Variants in CYP20A1 observed in about 807,000 individuals in gnomAD.
The protein encoded by CYP20A1 is cytochrome P450 20A1.
A neutral mutation model predicts 61.4 loss-of-function variants in CYP20A1; 61 were observed. The observed-to-expected ratio is 0.99, with a 90% confidence interval of 0.81 to 1.23. CYP20A1 has a LOEUF of 1.23. Ranked by LOEUF, CYP20A1 falls within the 50% of genes most tolerant of loss-of-function variation. The pLI, the probability that CYP20A1 is intolerant of heterozygous loss-of-function variation, is 0.00. For missense variants in CYP20A1, 530 were observed against 542.4 expected (o/e 0.98, Z 0.23); for synonymous variants, 193 against 188.2 (o/e 1.03, Z -0.21).
intron 7 of CYP20A1, among the ~76,000 whole-genome samples, chr2:203,279,068 G>A (rs942881660): frequency 2.6e-5 from 4 of 151,950 alleles, no homozygotes; most frequent in Admixed American, 6.6e-5. Context: ...GGGTTCAAGC[G>A]ATTCTCCTGC....
intron 4 of CYP20A1, among the ~76,000 whole-genome samples, chr2:203,265,664 T>G (rs946591565): frequency 2.0e-5 from 3 of 152,204 alleles, no homozygotes; most frequent in African/African-American, 7.2e-5. Context: ...CTTAATTTAA[T>G]TACATCTACA....
At chr2:203,283,843 G>A (rs780205704) in intron 8 of CYP20A1, among the ~76,000 whole-genome samples, 9 of 151,990 alleles carry the variant, frequency 5.9e-5, no homozygotes, top group South Asian at 2.1e-4. Flanking sequence ...CACTGCATCC[G>A]GCCTGTTATA....
chr2:203,251,436 G>C (rs2066666580), intron 3 of CYP20A1, among the ~76,000 whole-genome samples: 1 of 151,802 alleles, frequency 6.6e-6, no homozygotes, highest in African/African-American at 2.4e-5. Flanking sequence ...AGGATATTGT[G>C]TTCTTGCCAA....
intron 3 of CYP20A1, among the ~76,000 whole-genome samples, chr2:203,249,796 G>A (rs576030133): frequency 6.6e-6 from 1 of 152,188 alleles, no homozygotes; most frequent in Admixed American, 6.5e-5. Context: ...GGTAAGCCGA[G>A]ATCAAGCCAT....
chr2:203,253,712 A>G (rs942033884), intron 4 of CYP20A1, among the ~76,000 whole-genome samples: 1 of 152,188 alleles, frequency 6.6e-6, no homozygotes, highest in African/African-American at 2.4e-5. Context: ...AAAAACAAGA[A>G]CTGGTTAAAT....
chr2:203,286,777 C>T (rs1466818320), intron 9 of CYP20A1, among the ~76,000 whole-genome samples: 2 of 151,986 alleles, frequency 1.3e-5, no homozygotes, highest in African/African-American at 2.4e-5. Flanking sequence ...AAATTCAAAC[C>T]GTACAGGTAA....
intron 3 of CYP20A1, among the ~76,000 whole-genome samples, chr2:203,248,056 T>C (rs909412162): frequency 2.6e-5 from 4 of 151,892 alleles, no homozygotes; most frequent in Admixed American, 1.3e-4. Flanking sequence ...TGAGACCCCA[T>C]TGCTACAAAA....
At chr2:203,248,206 C>T (rs2066527478) in intron 3 of CYP20A1, among the ~76,000 whole-genome samples, 1 of 151,972 alleles carries the variant, frequency 6.6e-6, no homozygotes, top group South Asian at 2.1e-4. Flanking sequence ...GCCAGGCAGC[C>T]AGGGGACAGG....
intron 9 of CYP20A1, among the ~76,000 whole-genome samples, chr2:203,286,163 C>T (rs1219637611): frequency 6.6e-6 from 1 of 152,124 alleles, no homozygotes; most frequent in Non-Finnish European, 1.5e-5. Flanking sequence ...CTGGGACGTG[C>T]CTGTAGTCCA....
intron 6 of CYP20A1, among the ~76,000 whole-genome samples, chr2:203,277,116 A>G (rs1471320084): frequency 6.6e-6 from 1 of 152,124 alleles, no homozygotes; most frequent in East Asian, 1.9e-4. Context: ...TGGAAGGCTG[A>G]CATGGGCGGA....
At chr2:203,248,866 T>C (rs771897624) in intron 3 of CYP20A1, among the ~76,000 whole-genome samples, 8 of 152,158 alleles carry the variant, frequency 5.3e-5, no homozygotes, top group Middle Eastern at 3.4e-3. Context: ...TGCACCACCA[T>C]GCCTGGCTAA....
At chr2:203,245,699 C>CT (rs1019277148) in intron 1 of CYP20A1, 147 bp from the exon 2 acceptor site, 1 of 510,094 alleles carries the variant, frequency 2.0e-6, no homozygotes, top group East Asian at 3.3e-5. Context: ...CAAAGAACCC[C>CT]TTTTTTTGTA....
chr2:203,296,536 C>G lies in CYP20A1; in HGVS notation c.1211C>G (p.Ser404Ter). 3.1e-6 allele frequency: 5 copies of G among 1,612,242 alleles called. No homozygotes were observed. Among genetic ancestry groups the G allele is most frequent in the East Asian group, 2.2e-5 (1 of 44,790 alleles). ...AAAACTTTTTCCTCACTTGGATTCT[C>G]AGGCACACAGGAGTGTCCAGAGTTG... The part of the protein sequence containing the change: ...VMKTFSSLGF[S>*]GTQECPELRF... The change falls in exon 12 of 13, where the codon TCA becomes TGA. Residue 404 changes from serine to a stop codon, truncating the protein, a stop_gained. Transcript: ENST00000356079. LOFTEE classifies it high-confidence loss of function.
rs1223588439 is a variant in CYP20A1 at position 203,300,545 on chromosome 2, C to T, written c.*3637C>T. Among the ~76,000 whole-genome samples the T allele has an allele frequency of 2.0e-5, 3 of 152,108 alleles. No individual in the cohort carries two copies. The highest frequency in any genetic ancestry group is 2.9e-5 in the Non-Finnish European group (2 of 68,032). On this transcript the variant is annotated 3_prime_UTR_variant, in exon 13 of 13. Coordinates refer to ENST00000356079, the MANE Select transcript of CYP20A1 (RefSeq NM_177538.3). ...CTTTTGGAGTTTTTAAAAACTACTTCAGTGATTTTGATTTATATTCTTTTT... is the reference window on the plus strand; with the variant it reads ...CTTTTGGAGTTTTTAAAAACTACTTTAGTGATTTTGATTTATATTCTTTTT...
At chr2:203,251,794 T>TAC (rs2066684884) in intron 3 of CYP20A1, among the ~76,000 whole-genome samples, 173 bp from the exon 4 acceptor site, 213 of 5,866 alleles carry the variant, frequency 0.036, 4 homozygotes, top group African/African-American at 0.082. Flanking sequence ...TATATATGTG[T>TAC]ATATATATAT....
chr2:203,269,891 A>G (rs2152079589), intron 5 of CYP20A1, among the ~76,000 whole-genome samples: 1 of 152,240 alleles, frequency 6.6e-6, no homozygotes, highest in Middle Eastern at 3.4e-3. Flanking sequence ...AGCCTCCCAA[A>G]GTGCTGGGAT....
In CYP20A1 at chr2:203,296,919, A is replaced by T; in HGVS notation, c.*11A>T. On this transcript the variant is annotated 3_prime_UTR_variant, in exon 13 of 13. Coordinates refer to ENST00000356079, the MANE Select transcript of CYP20A1 (RefSeq NM_177538.3). ...TCAAAGAGATATTAAAATTTTATAC[A>T]TTTAAAATCATTGTTAAATTGATTG... is the stretch of plus-strand genomic sequence containing the variant. The T allele has an allele frequency of 7.0e-7, 1 of 1,426,500 alleles. No homozygotes were observed. Among genetic ancestry groups the T allele is most frequent in the Non-Finnish European group, 9.6e-7 (1 of 1,043,854 alleles). The allele number at this position is 1,426,500 out of a possible 1,614,324, so 88.4% of individuals were successfully genotyped here.
At chr2:203,263,996 G>A (rs1326317959) in intron 4 of CYP20A1, among the ~76,000 whole-genome samples, 1 of 151,830 alleles carries the variant, frequency 6.6e-6, no homozygotes, top group African/African-American at 2.4e-5. Context: ...TTGTGTGGGG[G>A]GCGTGGGTGT....
chr2:203,270,725 CT>C (rs34642332), intron 5 of CYP20A1, among the ~76,000 whole-genome samples: 1,729 of 141,484 alleles, frequency 0.012, 31 homozygotes, highest in Admixed American at 0.036. Flanking sequence ...TAAATATTTA[CT>C]TTTTTTTTTC....
Sources: allele counts gnomAD v4.1 joint callset (sites outside exome capture counted in the v4.1 genomes callset), GRCh38; gene constraint gnomAD v4.1.1; transcripts MANE v1.5; gene names NCBI Gene and HGNC (gene_info 2026-07-23, HGNC 2026-07-21).